The following ADGRL4 variants were observed in gnomAD, a reference collection of about 807,000 sequenced individuals.
ADGRL4 encodes EGF, latrophilin and seven transmembrane domain containing 1.
A neutral mutation model predicts 74.8 loss-of-function variants in ADGRL4; 90 were observed. The ratio of observed to expected loss-of-function variants is 1.20; its 90% CI spans 1.02 to 1.43. The LOEUF (loss-of-function observed/expected upper bound fraction) is 1.43. Among genes scored for constraint, ADGRL4 ranks in the 40% most tolerant of loss-of-function variants. The pLI, the probability that ADGRL4 is intolerant of heterozygous loss-of-function variation, is 0.00. For synonymous variants in ADGRL4, 311 were observed against 279.2 expected, an observed-to-expected ratio of 1.11 and a Z score of -1.14; for missense variants, 881 against 814.3, an observed-to-expected ratio of 1.08 and a Z score of -1.00.
At chr1:78,983,761 T>C (rs993123744) in intron 2 of ADGRL4, among the ~76,000 whole-genome samples, 2 of 151,806 alleles carry the variant, frequency 1.3e-5, no homozygotes, top group African/African-American at 4.8e-5. Flanking sequence ...ACTCTAAAAA[T>C]GGAAACATCA....
chr1:78,907,270 A>AT (rs1379769871), intron 12 of ADGRL4, among the ~76,000 whole-genome samples: 6 of 151,976 alleles, frequency 3.9e-5, no homozygotes, highest in Non-Finnish European at 4.4e-5. Flanking sequence ...ATTTTCTGAA[A>AT]TTTTTTCTCA....
intron 2 of ADGRL4, among the ~76,000 whole-genome samples, chr1:78,979,849 A>G (rs944013932): frequency 6.6e-6 from 1 of 151,994 alleles, no homozygotes; most frequent in African/African-American, 2.4e-5. Context: ...ATAAGCTATG[A>G]GGACGCAAAG....
chr1:78,953,736 G>A (rs935781153), intron 2 of ADGRL4, among the ~76,000 whole-genome samples: 1 of 152,134 alleles, frequency 6.6e-6, no homozygotes, highest in Non-Finnish European at 1.5e-5. Context: ...TAAAAATGGT[G>A]GACAATAAGC....
intron 7 of ADGRL4, 49 bp downstream of exon 7, chr1:78,936,242 ATATT>A: frequency 6.5e-7 from 1 of 1,543,590 alleles, no homozygotes; most frequent in Non-Finnish European, 8.7e-7. Context: ...TGCATGATAA[ATATT>A]TATTGCAAAT....
chr1:79,000,458 A>C (rs1650817653), intron 2 of ADGRL4, among the ~76,000 whole-genome samples: 1 of 152,212 alleles, frequency 6.6e-6, no homozygotes, highest in South Asian at 2.1e-4. Flanking sequence ...AGCAAAACTC[A>C]AATCACACAG....
intron 3 of ADGRL4, among the ~76,000 whole-genome samples, chr1:78,942,337 A>G (rs1257946390): frequency 6.6e-6 from 1 of 152,172 alleles, no homozygotes; most frequent in East Asian, 1.9e-4. Flanking sequence ...CTCATATTGC[A>G]TATTTTCCTA....
chr1:78,934,538 C>CAA (rs1269831726), intron 7 of ADGRL4, among the ~76,000 whole-genome samples: 1 of 151,980 alleles, frequency 6.6e-6, no homozygotes, highest in South Asian at 2.1e-4. Flanking sequence ...GCTACAAAAG[C>CAA]CAAAATTGAA....
chr1:78,941,562 C>CT (rs34600361), intron 3 of ADGRL4, among the ~76,000 whole-genome samples: 4,682 of 124,648 alleles, frequency 0.038, 85 homozygotes, highest in South Asian at 0.063. Flanking sequence ...TCAATCCCCC[C>CT]TTTTTTTTTT....
At chr1:78,979,420 G>T (rs1167968699) in intron 2 of ADGRL4, among the ~76,000 whole-genome samples, 1 of 151,722 alleles carries the variant, frequency 6.6e-6, no homozygotes, top group Non-Finnish European at 1.5e-5. Context: ...ACATCTTATG[G>T]CTCTAATTTG....
Position 78,939,176 on chromosome 1 carries a change from T to C in ADGRL4, c.396+12A>G, listed in dbSNP as rs1365884939. The C allele has an allele frequency of 6.5e-7, 1 of 1,550,280 alleles. No individual in the cohort carries two copies. Among genetic ancestry groups the C allele is most frequent in the Non-Finnish European group, 8.7e-7 (1 of 1,153,168 alleles). On this transcript the variant is annotated intron_variant, in intron 4 of 14. Transcript: ENST00000370742. ...TGTCAAAATAAAATAAATTGTTAAC[T>C]GTTCTACTTACTTTTGTTAAAGTTT...
intron 12 of ADGRL4, among the ~76,000 whole-genome samples, chr1:78,899,625 G>A (rs1441635278): frequency 6.6e-6 from 1 of 152,174 alleles, no homozygotes; most frequent in African/African-American, 2.4e-5. Flanking sequence ...AAAGTGCTGG[G>A]AATACAGGCA....
intron 2 of ADGRL4, among the ~76,000 whole-genome samples, chr1:78,983,397 G>A (rs1042782533): frequency 1.3e-5 from 2 of 150,946 alleles, no homozygotes; most frequent in African/African-American, 4.9e-5. Context: ...AAGCTACAAG[G>A]TTCTATTAAA....
At chr1:78,921,544 G>A (rs898512519) in intron 9 of ADGRL4, 69 bp downstream of exon 9, 8 of 989,672 alleles carry the variant, frequency 8.1e-6, no homozygotes, top group African/African-American at 1.7e-5. Flanking sequence ...ATTAAATATT[G>A]TCTCGAATGA....
intron 2 of ADGRL4, among the ~76,000 whole-genome samples, chr1:78,995,951 G>T (rs1227800847): frequency 6.6e-6 from 1 of 152,078 alleles, no homozygotes; most frequent in Non-Finnish European, 1.5e-5. Flanking sequence ...TTGTAACGAT[G>T]GGTTTTGGTT....
chr1:78,901,641 A>G (rs377100967), intron 12 of ADGRL4, among the ~76,000 whole-genome samples: 1 of 152,210 alleles, frequency 6.6e-6, no homozygotes, highest in Non-Finnish European at 1.5e-5. Context: ...TGTATAAAGC[A>G]CAGGTATAAA....
Position 78,921,615 on chromosome 1 carries a change from T to C in ADGRL4, c.1255A>G (p.Ile419Val), listed in dbSNP as rs747136988. 3 of 1,420,602 alleles carry C rather than the reference T, an allele frequency of 2.1e-6. No homozygotes were observed. The highest frequency in any genetic ancestry group is 1.7e-5 in the South Asian group (1 of 59,478). 88.0% of individuals were successfully genotyped at this position (1,420,602 alleles called of 1,614,324 possible). Residue 419 changes from isoleucine (I) to valine (V), a missense_variant and splice_region_variant, in exon 9 of 15, where the codon ATT (isoleucine) becomes GTT (valine). Ile to Val is a conservative substitution (Grantham distance 29, BLOSUM62 3). Transcript: ENST00000370742. Reference protein sequence around the residue: ...FAILMSSGPSIGIKDYNILTR... With the variant: ...FAILMSSGPSVGIKDYNILTR... ...TATGAAGGGGAAAATTATCTTACAA[T>C]GGAAGGACCAGAGGACATCAAAATT... is the stretch of plus-strand genomic sequence containing the variant.
At chr1:78,939,516 T>G (rs1557505595) in intron 3 of ADGRL4, 1 of 229,426 alleles carries the variant, frequency 4.4e-6, no homozygotes, top group African/African-American at 2.3e-5. Context: ...GGCTTTCATT[T>G]CTTTGTTCCA....
At chr1:78,899,550 T>G (rs1177875083) in intron 12 of ADGRL4, among the ~76,000 whole-genome samples, 1 of 152,154 alleles carries the variant, frequency 6.6e-6, no homozygotes. Context: ...AGATGGGGTT[T>G]CGCCATATTG....
At chr1:78,981,794 TATTA>T (rs1389172577) in intron 2 of ADGRL4, among the ~76,000 whole-genome samples, 4 of 151,874 alleles carry the variant, frequency 2.6e-5, no homozygotes, top group African/African-American at 4.8e-5. Flanking sequence ...TAAGTATAAA[TATTA>T]ATTAATAAAA....
Sources: allele counts gnomAD v4.1 joint callset (sites outside exome capture counted in the v4.1 genomes callset), GRCh38; gene constraint gnomAD v4.1.1; transcripts MANE v1.5; gene names NCBI Gene and HGNC (gene_info 2026-07-23, HGNC 2026-07-21).